Variants in MSRA observed in about 807,000 individuals in gnomAD.
The protein encoded by MSRA is mitochondrial peptide methionine sulfoxide reductase.
Under a neutral mutation model 31.3 loss-of-function variants are expected in MSRA, and 54 were observed. The ratio of observed to expected loss-of-function variants is 1.73; its 90% CI spans 1.39 to 2.17. The LOEUF (loss-of-function observed/expected upper bound fraction) is 2.17. Ranked by LOEUF, MSRA falls within the 30% of genes most tolerant of loss-of-function variation. The probability of loss-of-function intolerance (pLI) is 0.00; values close to 1 mark genes in which losing one functional copy is unlikely to be tolerated. For synonymous variants in MSRA, 169 were observed against 116.5 expected (o/e 1.45, Z -2.90); for missense variants, 507 against 300.9 (o/e 1.69, Z -5.07).
At chr8:10,082,806 G>C (rs576045114) in intron 1 of MSRA, among the ~76,000 whole-genome samples, 1 of 152,176 alleles carries the variant, frequency 6.6e-6, no homozygotes, top group Non-Finnish European at 1.5e-5. Context: ...TGTGAAGGGG[G>C]CACTGTGTTC....
At chr8:10,113,845 T>C (rs1383775555) in intron 1 of MSRA, among the ~76,000 whole-genome samples, 1 of 152,158 alleles carries the variant, frequency 6.6e-6, no homozygotes, top group Non-Finnish European at 1.5e-5. Context: ...ATTTTATAAT[T>C]ATACAATTCA....
intron 1 of MSRA, among the ~76,000 whole-genome samples, chr8:10,154,368 T>A (rs900027398): frequency 2.0e-5 from 3 of 152,002 alleles, no homozygotes; most frequent in Non-Finnish European, 4.4e-5. Context: ...TTGTGGTTTT[T>A]TTTTTCTTTT....
At chr8:10,408,252 A>G (rs866629589) in intron 5 of MSRA, among the ~76,000 whole-genome samples, 1 of 152,180 alleles carries the variant, frequency 6.6e-6, no homozygotes, top group Non-Finnish European at 1.5e-5. Context: ...AAAGAGGAAC[A>G]TGGGCTGGGC....
At chr8:10,171,764 TA>T in intron 1 of MSRA, among the ~76,000 whole-genome samples, 1 of 152,346 alleles carries the variant, frequency 6.6e-6, no homozygotes, top group Non-Finnish European at 1.5e-5. Flanking sequence ...GTTTAGGTGG[TA>T]GTGGAATTTG....
At chr8:10,231,301 G>A (rs767683516) in intron 2 of MSRA, among the ~76,000 whole-genome samples, 1 of 152,098 alleles carries the variant, frequency 6.6e-6, no homozygotes, top group African/African-American at 2.4e-5. Context: ...GACTGGAAAC[G>A]GTTTCATTTG....
intron 5 of MSRA, among the ~76,000 whole-genome samples, chr8:10,395,281 G>A (rs186140306): frequency 4.1e-4 from 62 of 152,260 alleles, no homozygotes; most frequent in African/African-American, 1.3e-3. Flanking sequence ...ATTGCAAAGG[G>A]CTGCAGTGGG....
intron 1 of MSRA, among the ~76,000 whole-genome samples, chr8:10,062,489 C>T (rs183131216): frequency 1.4e-4 from 21 of 152,272 alleles, no homozygotes; most frequent in Admixed American, 2.6e-4. Context: ...TCTTTGTACC[C>T]GGAACACAGT....
rs535181897 is a variant in MSRA, at chr8:10,167,046, A to T, written c.143-40787A>T. Among the ~76,000 whole-genome samples the T allele has an allele frequency of 3.3e-5, 5 of 152,182 alleles. No homozygotes were observed. The East Asian group carries it at 9.7e-4, about 29-fold the overall frequency. ...GCTGGAGCAAAGTGCAGAGCCAAAT[A>T]TCTTGGCGCTGGGCTAATGATGCCC... On this transcript the variant is annotated intron_variant, in intron 1 of 5. Coordinates refer to ENST00000317173, the MANE Select transcript of MSRA (RefSeq NM_012331.5).
At chr8:10,361,436 C>T (rs1052736466) in intron 5 of MSRA, among the ~76,000 whole-genome samples, 5 of 152,148 alleles carry the variant, frequency 3.3e-5, no homozygotes, top group Non-Finnish European at 5.9e-5. Flanking sequence ...CTCACTTTTA[C>T]GTGGTTGTGG....
chr8:10,385,967 G>A (rs1585646720), intron 5 of MSRA, among the ~76,000 whole-genome samples: 1 of 152,102 alleles, frequency 6.6e-6, no homozygotes, highest in African/African-American at 2.4e-5. Context: ...GTGGCTTTCT[G>A]GAGATAGCGC....
At chr8:10,346,921 A>T (rs530903729) in intron 5 of MSRA, among the ~76,000 whole-genome samples, 3 of 152,206 alleles carry the variant, frequency 2.0e-5, no homozygotes, top group Admixed American at 1.3e-4. Flanking sequence ...TTCTGTTTTT[A>T]TATAGTCAGA....
At chr8:10,074,209 A>G (rs1797883456) in intron 1 of MSRA, among the ~76,000 whole-genome samples, 1 of 150,758 alleles carries the variant, frequency 6.6e-6, no homozygotes, top group Non-Finnish European at 1.5e-5. Flanking sequence ...TATCCTCCCG[A>G]GTACCTGGGA....
chr8:10,309,706 T>C (rs1255204422), intron 4 of MSRA, among the ~76,000 whole-genome samples: 1 of 152,230 alleles, frequency 6.6e-6, no homozygotes, highest in African/African-American at 2.4e-5. Context: ...CTGGGGATTC[T>C]GTGGGGCTCC....
intron 1 of MSRA, among the ~76,000 whole-genome samples, chr8:10,065,253 G>A (rs1254893140): frequency 1.3e-5 from 2 of 152,160 alleles, no homozygotes; most frequent in African/African-American, 4.8e-5. Context: ...CACTCAGGCA[G>A]TCTGTCCCTG....
chr8:10,071,767 A>C (rs1295976580), intron 1 of MSRA, among the ~76,000 whole-genome samples: 2 of 152,180 alleles, frequency 1.3e-5, no homozygotes, highest in Non-Finnish European at 2.9e-5. Flanking sequence ...TTCCAAGGGA[A>C]GGCTGGCACT....
intron 5 of MSRA, among the ~76,000 whole-genome samples, chr8:10,358,313 C>G (rs985133515): frequency 3.3e-5 from 5 of 152,302 alleles, no homozygotes; most frequent in African/African-American, 9.6e-5. Context: ...GTCCCAATAA[C>G]AATAATAAGA....
intron 5 of MSRA, among the ~76,000 whole-genome samples, chr8:10,391,570 C>T (rs905539168): frequency 2.6e-5 from 4 of 152,134 alleles, no homozygotes; most frequent in Admixed American, 6.5e-5. Flanking sequence ...AGAGGACTTG[C>T]CAGAGGTCAC....
intron 1 of MSRA, among the ~76,000 whole-genome samples, chr8:10,065,320 T>C (rs1377527567): frequency 6.6e-6 from 1 of 152,214 alleles, no homozygotes; most frequent in African/African-American, 2.4e-5. Flanking sequence ...AAACTTCACC[T>C]GGTGGCCCAT....
intron 5 of MSRA, among the ~76,000 whole-genome samples, chr8:10,414,810 C>G (rs190223818): frequency 1.3e-5 from 2 of 152,158 alleles, no homozygotes; most frequent in Admixed American, 6.6e-5. Context: ...GTACTAAATG[C>G]TAAGCATATA....
Sources: gnomAD v4.1 joint callset for allele counts (sites outside exome capture counted in the v4.1 genomes callset) on GRCh38, gnomAD v4.1.1 for gene constraint, MANE v1.5 for transcripts, NCBI Gene and HGNC (gene_info 2026-07-23, HGNC 2026-07-21) for gene names.